The following LACTB variants were observed in gnomAD, a reference collection of about 807,000 sequenced individuals.
LACTB encodes lactamase beta.
A neutral mutation model predicts 50.2 loss-of-function variants in LACTB; 35 were observed. The ratio of observed to expected loss-of-function variants is 0.70; its 90% confidence interval spans 0.53 to 0.92. LACTB has a LOEUF of 0.92. LACTB is among the 40% of genes least tolerant of loss of function. The pLI is 0.00. For synonymous variants in LACTB, 252 were observed against 268.2 expected, an observed-to-expected ratio of 0.94 and a Z score of 0.59; for missense variants, 664 against 691.8, an observed-to-expected ratio of 0.96 and a Z score of 0.45.
rs1360799484 is a variant in LACTB, at chr15:63,136,243, G to A, written c.1119-5037G>A. Among the ~76,000 whole-genome samples, 8 of 152,086 alleles carry A rather than the reference G, an allele frequency of 5.3e-5. No individual in the cohort carries two copies. In the East Asian group the frequency reaches 1.5e-3, roughly 29 times the overall value. On this transcript the variant is annotated intron_variant, in intron 5 of 5. Coordinates refer to ENST00000261893, the MANE Select transcript of LACTB (RefSeq NM_032857.5). ...TTTTTTGTAGAGATGAGATCTTGCT[G>A]TGTTTCCCAGGCTGATCTCCTGACC...
In LACTB at chr15:63,127,448, A is replaced by C; in HGVS notation, c.711A>C (p.Lys237Asn). Reference protein sequence around the residue: ...IKKVKEEKAYKALKMMKENVA... With the variant: ...IKKVKEEKAYNALKMMKENVA... ...AGGTGAAAGAAGAGAAAGCTTATAA[A>C]GCCTTGAAGATGATGAAAGAGAATG... Residue 237 changes from lysine to asparagine, a missense_variant, in exon 4 of 6, where the codon AAA becomes AAC. Physicochemically the swap from Lys to Asn is moderately conservative, Grantham distance 94. Transcript: ENST00000261893. 5 of 1,609,958 alleles carry C rather than the reference A, an allele frequency of 3.1e-6. No homozygotes were observed. The highest frequency in any genetic ancestry group is 4.2e-6 in the Non-Finnish European group (5 of 1,178,472).
chr15:63,132,759 T>G (rs1348375118), intron 5 of LACTB, among the ~76,000 whole-genome samples: 1 of 152,132 alleles, frequency 6.6e-6, no homozygotes, highest in Non-Finnish European at 1.5e-5. Flanking sequence ...AACTTGAGGC[T>G]CCACTGAGCT....
Position 63,141,988 on chromosome 15 carries a change from CAG to C in LACTB, c.*184_*185del, listed in dbSNP as rs1385926723. ...TATTGTAGAATTGGTTCTTTATACTCAGGGAAGTAATTATATTGTTTTTACTT... is the reference window on the plus strand; with the variant it reads ...TATTGTAGAATTGGTTCTTTATACTCGGAAGTAATTATATTGTTTTTACTT... On this transcript the variant is annotated 3_prime_UTR_variant, in exon 6 of 6. Coordinates refer to ENST00000261893, the MANE Select transcript of LACTB (RefSeq NM_032857.5). The C allele has an allele frequency of 1.9e-6, 1 of 540,286 alleles. No homozygotes were observed. Among genetic ancestry groups the C allele is most frequent in the African/African-American group, 1.9e-5 (1 of 53,322 alleles). 33.5% of individuals were successfully genotyped at this position (540,286 alleles called of 1,614,324 possible). A position where few individuals can be genotyped will look rare whatever the true frequency, so the allele number is the denominator to read the frequency against.
chr15:63,137,869 T>A, intron 5 of LACTB, among the ~76,000 whole-genome samples: 1 of 152,220 alleles, frequency 6.6e-6, no homozygotes. Context: ...TTCATGCCTT[T>A]AGCTGACAGA....
chr15:63,138,686 G>A (rs1490319163), intron 5 of LACTB, among the ~76,000 whole-genome samples: 1 of 152,136 alleles, frequency 6.6e-6, no homozygotes, highest in Non-Finnish European at 1.5e-5. Flanking sequence ...AAGGAGGAAT[G>A]ACTGAGGAGT....
chr15:63,121,996 G>C lies in LACTB; in HGVS notation c.125G>C (p.Gly42Ala). The change falls in exon 1 of 6, where the codon GGG (glycine) becomes GCG (alanine). Residue 42 changes from glycine to alanine, a missense_variant. Coordinates refer to ENST00000261893, the MANE Select transcript of LACTB (RefSeq NM_032857.5). ...CCGCCTCTCGGCCACGGCTGGGTCG[G>C]GGGCCTCGGGCTGGGGCTGGGGCTG... is the stretch of plus-strand genomic sequence containing the variant. ...GLPPLGHGWVGGLGLGLGLAL... is the reference protein window; with the variant it reads ...GLPPLGHGWVAGLGLGLGLAL... 7.3e-7 allele frequency: 1 copy of C among 1,369,104 alleles called. No homozygotes were observed. Among genetic ancestry groups the C allele is most frequent in the South Asian group, 1.7e-5 (1 of 57,278 alleles). 84.8% of individuals were successfully genotyped at this position (1,369,104 alleles called of 1,614,324 possible).
intron 5 of LACTB, chr15:63,131,480 T>G (rs1021678225): frequency 1.3e-5 from 2 of 152,236 alleles, no homozygotes; most frequent in South Asian, 4.1e-4. Flanking sequence ...TATATGTGTA[T>G]TTTTTGTTTT....
rs142978160 is a variant in LACTB, at chr15:63,125,175, A to ATTT, written c.425-1683_425-1681dup. ...TGTCTCTATAAAAAAAATTTTATTT[A>ATTT]TTTATTTTTTTTTTGGAGTTTCACT... is the stretch of plus-strand genomic sequence containing the variant. On this transcript the variant is annotated intron_variant, in intron 2 of 5. Transcript: ENST00000261893. 4.8e-3 allele frequency among the ~76,000 whole-genome samples: 621 copies of ATTT among 130,450 alleles called. 7 individuals are homozygous for ATTT. The highest frequency in any genetic ancestry group is 0.031 in the East Asian group (97 of 3,142). The allele number at this position is 130,450 out of a possible 152,430, so 85.6% of individuals were successfully genotyped here.
chr15:63,131,639 T>G (rs2037133866), intron 5 of LACTB, among the ~76,000 whole-genome samples: 1 of 152,152 alleles, frequency 6.6e-6, no homozygotes, highest in Non-Finnish European at 1.5e-5. Context: ...ACATACATTT[T>G]CTTTCAAAAA....
intron 3 of LACTB, 32 bp downstream of exon 3, chr15:63,127,081 G>A: frequency 1.4e-6 from 2 of 1,451,962 alleles, no homozygotes; most frequent in Non-Finnish European, 1.9e-6. Context: ...TTTACTAATG[G>A]CATGTTAAAT....
chr15:63,139,849 G>A (rs1232902558), intron 5 of LACTB, among the ~76,000 whole-genome samples: 2 of 124,514 alleles, frequency 1.6e-5, no homozygotes, highest in African/African-American at 5.1e-5. Flanking sequence ...TGTAATCCCA[G>A]CACTTTGGGA....
At position 63,122,682 on chromosome 15, in the gene LACTB, G is replaced by A. The variant is rs1259387551; in HGVS notation, c.404G>A (p.Gly135Glu). ...ATAGTGGTTGGAGTTTCTGTAGATGGAAAAGAAGTCTGGTCAGAAGGTGGG... is the reference window on the plus strand; with the variant it reads ...ATAGTGGTTGGAGTTTCTGTAGATGAAAAAGAAGTCTGGTCAGAAGGTGGG... ...PGIVVGVSVD[G>E]KEVWSEGLGY... The change falls in exon 2 of 6, where the codon GGA becomes GAA. Residue 135 changes from glycine (G) to glutamate (E), a missense_variant. By Grantham distance (98) the Gly-to-Glu change is moderately conservative (BLOSUM62 -2). Coordinates refer to ENST00000261893, the MANE Select transcript of LACTB (RefSeq NM_032857.5). The A allele has an allele frequency of 6.2e-7, 1 of 1,613,598 alleles. No individual in the cohort carries two copies.
intron 2 of LACTB, among the ~76,000 whole-genome samples, chr15:63,124,885 C>T (rs1303842215): frequency 6.6e-6 from 1 of 151,778 alleles, no homozygotes; most frequent in Non-Finnish European, 1.5e-5. Context: ...ACTCGGGAGG[C>T]GGAGGTTTGC....
At chr15:63,126,820 A>C (rs1056093236) in intron 2 of LACTB, 39 bp from the exon 3 acceptor site, 1 of 1,308,878 alleles carries the variant, frequency 7.6e-7, no homozygotes, top group Non-Finnish European at 1.0e-6. Context: ...TTGACCATGA[A>C]GCCTGTTAAT....
chr15:63,130,087 T>C (rs2037110025), intron 5 of LACTB: 1 of 152,882 alleles, frequency 6.5e-6, no homozygotes, highest in African/African-American at 2.4e-5. Context: ...CCCTTAATGT[T>C]AGTTTACCGC....
chr15:63,140,197 C>G, intron 5 of LACTB, among the ~76,000 whole-genome samples: 1 of 152,032 alleles, frequency 6.6e-6, no homozygotes, highest in South Asian at 2.1e-4. Context: ...GCTGGAATTA[C>G]AAATATAATC....
intron 2 of LACTB, among the ~76,000 whole-genome samples, chr15:63,123,612 T>C (rs542692737): frequency 7.2e-5 from 11 of 152,210 alleles, no homozygotes; most frequent in South Asian, 6.2e-4. Flanking sequence ...ATTTATTGGA[T>C]ACAAAGCAAA....
chr15:63,132,166 G>A (rs2037139500), intron 5 of LACTB, among the ~76,000 whole-genome samples: 1 of 152,144 alleles, frequency 6.6e-6, no homozygotes, highest in Non-Finnish European at 1.5e-5. Flanking sequence ...AATGAGCTTA[G>A]TACCTAATAG....
At position 63,122,722 on chromosome 15, in the gene LACTB, G is replaced by A. The variant is rs375578613; in HGVS notation, c.424+20G>A. 1.2e-5 allele frequency: 19 copies of A among 1,551,586 alleles called. No homozygotes were observed. In the African/African-American group the frequency reaches 2.6e-4, roughly 21 times the overall value. On this transcript the variant is annotated intron_variant, in intron 2 of 5. Transcript: ENST00000261893. ...CAGAAGGTGGGTTCAGAAAATTGTT[G>A]TTTTGTTCTGTGCCAGTTGGTAAAT...
Sources: allele counts gnomAD v4.1 joint callset (sites outside exome capture counted in the v4.1 genomes callset), GRCh38; gene constraint gnomAD v4.1.1; transcripts MANE v1.5; gene names NCBI Gene and HGNC (gene_info 2026-07-23, HGNC 2026-07-21).